SEC22A: variants seen among roughly 807,000 people sequenced by gnomAD.
SEC22A encodes the protein SEC22 homolog A, vesicle trafficking protein.
In SEC22A, 22 loss-of-function variants were observed where a neutral mutation model predicts 35.3. That is an observed-to-expected ratio of 0.62 (90% CI 0.45 to 0.89). The LOEUF (loss-of-function observed/expected upper bound fraction) is 0.89. Among genes scored for constraint, SEC22A ranks in the 40% least tolerant of loss-of-function variants. The pLI is 0.00. For synonymous variants in SEC22A, 119 were observed against 129.5 expected (o/e 0.92, Z 0.55); for missense variants, 354 against 362.5 (o/e 0.98, Z 0.19).
intron 4 of SEC22A, among the ~76,000 whole-genome samples, chr3:123,226,178 C>T (rs976660768): frequency 3.9e-5 from 6 of 152,174 alleles, no homozygotes; most frequent in East Asian, 3.9e-4. Flanking sequence ...GATGTCTCTT[C>T]GATATGCTGA....
chr3:123,249,632 C>T (rs1937594750), intron 5 of SEC22A, among the ~76,000 whole-genome samples: 1 of 152,278 alleles, frequency 6.6e-6, no homozygotes, highest in South Asian at 2.1e-4. Context: ...TCAAGCGATT[C>T]TCCTGCCTCA....
At chr3:123,260,177 A>T (rs185303305) in intron 6 of SEC22A, among the ~76,000 whole-genome samples, 1 of 131,894 alleles carries the variant, frequency 7.6e-6, no homozygotes, top group Non-Finnish European at 1.6e-5. Context: ...AAACTACTAG[A>T]TTTTCTGGTG....
chr3:123,244,793 A>C (rs1349096829), intron 4 of SEC22A, among the ~76,000 whole-genome samples: 1 of 152,200 alleles, frequency 6.6e-6, no homozygotes, highest in African/African-American at 2.4e-5. Context: ...GATTTAAATA[A>C]AATACTCTAA....
intron 1 of SEC22A, among the ~76,000 whole-genome samples, chr3:123,203,084 T>C (rs1936782926): frequency 7.7e-6 from 1 of 129,778 alleles, no homozygotes; most frequent in Non-Finnish European, 1.6e-5. Flanking sequence ...TTTTTTTTTT[T>C]TTTGCGTGCA....
At chr3:123,231,162 G>C (rs772508262) in intron 4 of SEC22A, among the ~76,000 whole-genome samples, 24 of 152,288 alleles carry the variant, frequency 1.6e-4, no homozygotes, top group Non-Finnish European at 2.9e-4. Context: ...AGTACATTAA[G>C]TAAAACCTGC....
intron 2 of SEC22A, among the ~76,000 whole-genome samples, chr3:123,213,951 A>T (rs1339913231): frequency 6.6e-6 from 1 of 152,216 alleles, no homozygotes; most frequent in African/African-American, 2.4e-5. Context: ...TGGGAGGCCA[A>T]GGCTGGCAGA....
intron 4 of SEC22A, among the ~76,000 whole-genome samples, chr3:123,238,386 CAG>C (rs1937456142): frequency 6.6e-6 from 1 of 151,980 alleles, no homozygotes; most frequent in African/African-American, 2.4e-5. Context: ...TTAGTAGAGA[CAG>C]GGTTTCACCA....
At chr3:123,249,405 C>T (rs965812732) in intron 5 of SEC22A, among the ~76,000 whole-genome samples, 3 of 152,076 alleles carry the variant, frequency 2.0e-5, no homozygotes, top group African/African-American at 7.2e-5. Flanking sequence ...TGGTAACCAG[C>T]CCCCATCTAG....
chr3:123,248,917 A>G (rs73856883), intron 5 of SEC22A, among the ~76,000 whole-genome samples: 27 of 152,218 alleles, frequency 1.8e-4, no homozygotes, highest in African/African-American at 6.0e-4. Flanking sequence ...TTTTAACACT[A>G]TCTGCCTGGA....
Position 123,223,591 on chromosome 3 carries a change from T to A in SEC22A, c.215T>A (p.Met72Lys), listed in dbSNP as rs751753933. 6 of 1,613,734 alleles carry A rather than the reference T, an allele frequency of 3.7e-6. No individual in the cohort carries two copies. Among genetic ancestry groups the A allele is most frequent in the African/African-American group, 2.7e-5 (2 of 74,938 alleles). ...AGCTCTCTGGGAGTGAGCTACATGA[T>A]GTTGTGCACTGAAAATTACCCAAAT... ...FISSLGVSYM[M>K]LCTENYPNVL... Residue 72 changes from methionine (M) to lysine (K), a missense_variant, in exon 3 of 7, where the codon ATG (methionine) becomes AAG (lysine). By Grantham distance (95) the Met-to-Lys change is moderately conservative. Transcript: ENST00000492595.
chr3:123,249,266 G>A (rs1937591391), intron 5 of SEC22A, among the ~76,000 whole-genome samples: 1 of 151,914 alleles, frequency 6.6e-6, no homozygotes. Context: ...CCATCTTTTA[G>A]GGATTTTTAT....
At chr3:123,232,665 A>G (rs9784382) in intron 4 of SEC22A, among the ~76,000 whole-genome samples, 31,775 of 152,130 alleles carry the variant, frequency 0.21, 3,443 homozygotes, top group Middle Eastern at 0.28. Flanking sequence ...TGGACAATGT[A>G]GTGCAACACT....
intron 2 of SEC22A, among the ~76,000 whole-genome samples, chr3:123,210,532 G>A (rs1361193425): frequency 6.6e-6 from 1 of 152,132 alleles, no homozygotes; most frequent in East Asian, 1.9e-4. Context: ...ACATCCAAGG[G>A]GCACTGCTAG....
In SEC22A at chr3:123,203,572, C is replaced by T. The variant is rs558766952; in HGVS notation, c.-20+1586C>T. 9.7e-4 allele frequency among the ~76,000 whole-genome samples: 148 copies of T among 152,182 alleles called. 1 individual carries two copies. The highest frequency in any genetic ancestry group is 3.4e-3 in the African/African-American group (143 of 41,520). On this transcript the variant is annotated intron_variant, in intron 1 of 6. Transcript: ENST00000492595. ...GAGATATAGAAAGGCAAAGCTTGTC[C>T]AAATTTACATGGCTGGTAGATGGTG...
chr3:123,206,839 G>A (rs1278582484), intron 1 of SEC22A, among the ~76,000 whole-genome samples: 1 of 152,220 alleles, frequency 6.6e-6, no homozygotes, highest in Non-Finnish European at 1.5e-5. Flanking sequence ...TGTAATCCTA[G>A]TACTTTGGGA....
chr3:123,227,645 A>G (rs1202617358), intron 4 of SEC22A, among the ~76,000 whole-genome samples: 1 of 152,212 alleles, frequency 6.6e-6, no homozygotes, highest in Admixed American at 6.5e-5. Context: ...TCAACTATAG[A>G]ATACAAAGCA....
At chr3:123,232,618 A>T (rs1240812995) in intron 4 of SEC22A, among the ~76,000 whole-genome samples, 1 of 152,216 alleles carries the variant, frequency 6.6e-6, no homozygotes, top group African/African-American at 2.4e-5. Context: ...AGGCCGAAGC[A>T]GGTAGATGGC....
intron 5 of SEC22A, among the ~76,000 whole-genome samples, chr3:123,251,336 G>A (rs756904777): frequency 6.6e-6 from 1 of 152,206 alleles, no homozygotes; most frequent in Non-Finnish European, 1.5e-5. Flanking sequence ...GGAACTCTGT[G>A]TGTAGGCTTG....
At chr3:123,242,695 G>A (rs1179238594) in intron 4 of SEC22A, among the ~76,000 whole-genome samples, 1 of 152,130 alleles carries the variant, frequency 6.6e-6, no homozygotes, top group Non-Finnish European at 1.5e-5. Flanking sequence ...TGCTAATTGT[G>A]AAGATGGCCC....
Sources: allele counts gnomAD v4.1 joint callset (sites outside exome capture counted in the v4.1 genomes callset), GRCh38; gene constraint gnomAD v4.1.1; transcripts MANE v1.5; gene names NCBI Gene and HGNC (gene_info 2026-07-23, HGNC 2026-07-21).